Variants in CHSY1 observed in about 807,000 individuals in gnomAD.
CHSY1 encodes chondroitin sulfate synthase 1.
A neutral mutation model predicts 59.8 loss-of-function variants in CHSY1; 13 were observed. The observed-to-expected ratio is 0.22, with a 90% confidence interval of 0.14 to 0.35. The LOEUF (loss-of-function observed/expected upper bound fraction) is 0.35, where lower values mean the gene tolerates loss of function less well. Ranked by LOEUF, CHSY1 falls within the 10% of genes least tolerant of loss-of-function variation. CHSY1 has a pLI of 1.00. For missense variants in CHSY1, 947 were observed against 1,030.6 expected (o/e 0.92, Z 1.11); for synonymous variants, 459 against 401.2 (o/e 1.14, Z -1.72).
intron 2 of CHSY1, among the ~76,000 whole-genome samples, chr15:101,216,751 G>A (rs1419641339): frequency 9.2e-5 from 14 of 152,196 alleles, no homozygotes; most frequent in Admixed American, 9.2e-4. Context: ...GCACTGAATA[G>A]GTGAAACACA....
At chr15:101,204,601 A>C (rs1174276229) in intron 2 of CHSY1, among the ~76,000 whole-genome samples, 2 of 151,326 alleles carry the variant, frequency 1.3e-5, no homozygotes, top group African/African-American at 2.4e-5. Context: ...CCCAAAAAAC[A>C]GTGGTTAAAA....
At chr15:101,241,755 G>A (rs533318721) in intron 1 of CHSY1, among the ~76,000 whole-genome samples, 1 of 152,266 alleles carries the variant, frequency 6.6e-6, no homozygotes, top group South Asian at 2.1e-4. Flanking sequence ...AAATCATCTT[G>A]GAAGTTAAAG....
At chr15:101,195,571 C>A (rs1434252316) in intron 2 of CHSY1, among the ~76,000 whole-genome samples, 1 of 152,210 alleles carries the variant, frequency 6.6e-6, no homozygotes, top group Non-Finnish European at 1.5e-5. Context: ...CCTCTAATCC[C>A]AGCACCTTGG....
intron 2 of CHSY1, among the ~76,000 whole-genome samples, chr15:101,198,452 A>T (rs2038532728): frequency 6.6e-6 from 1 of 152,198 alleles, no homozygotes; most frequent in Admixed American, 6.5e-5. Flanking sequence ...TGGCTACTAC[A>T]TTAAACACGG....
intron 2 of CHSY1, among the ~76,000 whole-genome samples, chr15:101,186,274 C>T (rs1011662339): frequency 8.6e-5 from 13 of 151,192 alleles, no homozygotes; most frequent in Middle Eastern, 3.5e-3. Context: ...GAGCCGAGAT[C>T]GTGCCACTGC....
intron 2 of CHSY1, among the ~76,000 whole-genome samples, chr15:101,220,934 C>T (rs1041052494): frequency 6.6e-6 from 1 of 152,188 alleles, no homozygotes; most frequent in African/African-American, 2.4e-5. Flanking sequence ...ATCAGTCGAC[C>T]GCCTTATCAT....
intron 2 of CHSY1, among the ~76,000 whole-genome samples, chr15:101,202,890 TG>T (rs1483775030): frequency 1.3e-5 from 2 of 152,158 alleles, no homozygotes; most frequent in Admixed American, 1.3e-4. Flanking sequence ...AGCTATAATT[TG>T]GGGAGTATAA....
At chr15:101,199,669 T>C (rs1423386646) in intron 2 of CHSY1, among the ~76,000 whole-genome samples, 3 of 152,208 alleles carry the variant, frequency 2.0e-5, no homozygotes, top group Non-Finnish European at 4.4e-5. Context: ...AAAAATAAAA[T>C]TTTGTGGAAA....
intron 2 of CHSY1, among the ~76,000 whole-genome samples, chr15:101,220,839 T>C (rs1413806378): frequency 1.3e-5 from 2 of 152,210 alleles, no homozygotes; most frequent in African/African-American, 2.4e-5. Flanking sequence ...ATTCCCTCTG[T>C]TTGAACTGCT....
At position 101,234,596 on chromosome 15, in the gene CHSY1, C is replaced by T. The variant is rs184622384; in HGVS notation, c.816+486G>A. Among the ~76,000 whole-genome samples, 566 of 152,322 alleles carry T rather than the reference C, an allele frequency of 3.7e-3. 1 individual carries two copies. The highest frequency in any genetic ancestry group is 6.8e-3 in the Middle Eastern group (2 of 294). ...GACAAAAGTATGGAAGAGCCGGGCG[C>T]CGTGGCTCACGCCTGTAATCCCAGC... On this transcript the variant is annotated intron_variant, in intron 2 of 2. Coordinates refer to ENST00000254190, the MANE Select transcript of CHSY1 (RefSeq NM_014918.5).
chr15:101,199,830 G>A (rs577038216), intron 2 of CHSY1, among the ~76,000 whole-genome samples: 2 of 152,268 alleles, frequency 1.3e-5, no homozygotes, highest in Admixed American at 6.5e-5. Flanking sequence ...GCAGTTTCAA[G>A]AAACTAAAAA....
chr15:101,189,552 T>C, intron 2 of CHSY1: 4 of 819,848 alleles, frequency 4.9e-6, no homozygotes, highest in Non-Finnish European at 4.4e-6. Context: ...CAAGTCTAAC[T>C]GAAGTGCTGG....
chr15:101,194,316 CTCTGCT>C (rs1314176919), intron 2 of CHSY1, among the ~76,000 whole-genome samples: 1 of 152,238 alleles, frequency 6.6e-6, no homozygotes, highest in African/African-American at 2.4e-5. Context: ...GTCTCTACTC[CTCTGCT>C]TCTTTCTTAG....
intron 1 of CHSY1, 37 bp downstream of exon 1, chr15:101,251,100 G>C: frequency 1.3e-6 from 2 of 1,536,366 alleles, no homozygotes; most frequent in South Asian, 2.4e-5. Flanking sequence ...CCGGGATGCC[G>C]GACGCAGGAG....
chr15:101,215,128 C>G (rs1271387337), intron 2 of CHSY1, among the ~76,000 whole-genome samples: 1 of 152,168 alleles, frequency 6.6e-6, no homozygotes, highest in African/African-American at 2.4e-5. Flanking sequence ...ATCACACTTC[C>G]TGTACTGCCT....
chr15:101,250,622 C>G (rs907524712), intron 1 of CHSY1, among the ~76,000 whole-genome samples: 1 of 152,232 alleles, frequency 6.6e-6, no homozygotes, highest in African/African-American at 2.4e-5. Context: ...ATGCTGCGGG[C>G]ATTCTCTTTC....
At chr15:101,194,063 C>T (rs1241467097) in intron 2 of CHSY1, among the ~76,000 whole-genome samples, 1 of 152,222 alleles carries the variant, frequency 6.6e-6, no homozygotes, top group African/African-American at 2.4e-5. Flanking sequence ...ATCCAAAGGC[C>T]ACCAGCATCT....
intron 2 of CHSY1, among the ~76,000 whole-genome samples, chr15:101,199,002 A>G (rs1331925045): frequency 6.6e-6 from 1 of 152,184 alleles, no homozygotes; most frequent in African/African-American, 2.4e-5. Flanking sequence ...CTTCGCCTAA[A>G]GAAACTCATT....
chr15:101,220,325 G>T (rs984453238), intron 2 of CHSY1, among the ~76,000 whole-genome samples: 1 of 152,020 alleles, frequency 6.6e-6, no homozygotes. Flanking sequence ...CTAACTGCCC[G>T]TGTACTTAAA....
Sources: gnomAD v4.1 joint callset for allele counts (sites outside exome capture counted in the v4.1 genomes callset) on GRCh38, gnomAD v4.1.1 for gene constraint, MANE v1.5 for transcripts, NCBI Gene and HGNC (gene_info 2026-07-23, HGNC 2026-07-21) for gene names.